The following SNX29 variants were observed in gnomAD, a reference collection of about 807,000 sequenced individuals.
SNX29 encodes the protein sorting nexin-29.
A neutral mutation model predicts 102.1 loss-of-function variants in SNX29; 78 were observed. The observed-to-expected ratio is 0.76, with a 90% CI of 0.64 to 0.92. SNX29 has a LOEUF of 0.92. Ranked by LOEUF, SNX29 falls within the 40% of genes least tolerant of loss-of-function variation. The pLI, the probability that SNX29 is intolerant of heterozygous loss-of-function variation, is 0.00. For missense variants in SNX29, 1,280 were observed against 1,061.7 expected, an observed-to-expected ratio of 1.21 and a Z score of -2.86; for synonymous variants, 580 against 414.5, an observed-to-expected ratio of 1.40 and a Z score of -4.85.
intron 20 of SNX29, among the ~76,000 whole-genome samples, chr16:12,555,034 C>T (rs2078240981): frequency 1.3e-5 from 2 of 151,760 alleles, no homozygotes; most frequent in African/African-American, 4.9e-5. Flanking sequence ...CTGCCTGGTG[C>T]CACCGAGCAG....
At chr16:12,556,466 C>T (rs1034155002) in intron 20 of SNX29, 1 of 152,238 alleles carries the variant, frequency 6.6e-6, no homozygotes, top group Non-Finnish European at 1.5e-5. Context: ...AGGCGAAGGC[C>T]AAAAGCACAA....
intron 18 of SNX29, among the ~76,000 whole-genome samples, chr16:12,431,138 C>A (rs1478173021): frequency 6.6e-6 from 1 of 152,180 alleles, no homozygotes; most frequent in Non-Finnish European, 1.5e-5. Flanking sequence ...AGGCGTGAGC[C>A]ACTGCGCCTG....
chr16:12,563,276 G>A (rs76664241), intron 20 of SNX29, among the ~76,000 whole-genome samples: 5 of 152,206 alleles, frequency 3.3e-5, no homozygotes, highest in African/African-American at 7.2e-5. Context: ...AGGAACGTCG[G>A]GTTCTGGATC....
intron 20 of SNX29, among the ~76,000 whole-genome samples, chr16:12,531,709 G>A (rs552371705): frequency 1.3e-5 from 2 of 152,168 alleles, no homozygotes; most frequent in African/African-American, 4.8e-5. Context: ...GGACAAGGAG[G>A]GGAAGCCCGC....
intron 18 of SNX29, among the ~76,000 whole-genome samples, chr16:12,430,018 C>T (rs1181215171): frequency 1.3e-5 from 2 of 152,222 alleles, no homozygotes; most frequent in Non-Finnish European, 2.9e-5. Flanking sequence ...AGCCGTGGGC[C>T]AGCAAGCATT....
chr16:12,051,814 C>G, intron 7 of SNX29, 33 bp from the exon 8 acceptor site: 2 of 1,595,444 alleles, frequency 1.3e-6, no homozygotes, highest in South Asian at 2.3e-5. Flanking sequence ...CCTCCTTTTT[C>G]TTATACTGTA....
chr16:12,572,982 A>T lies in SNX29; in HGVS notation c.*4353A>T. 9.7e-6 allele frequency: 4 copies of T among 412,834 alleles called. No homozygotes were observed. The highest frequency in any genetic ancestry group is 1.4e-5 in the Non-Finnish European group (4 of 283,456). The allele number at this position is 412,834 out of a possible 1,614,324, so 25.6% of individuals were successfully genotyped here. ...TCAAAGATTTTTCAAAATATTGTGC[A>T]TTAATTCATTAAAGCTACTGTTAAA... On this transcript the variant is annotated 3_prime_UTR_variant, in exon 21 of 21. Transcript: ENST00000566228.
chr16:12,163,137 C>T (rs1482018529), intron 13 of SNX29, among the ~76,000 whole-genome samples: 1 of 152,206 alleles, frequency 6.6e-6, no homozygotes, highest in Admixed American at 6.5e-5. Flanking sequence ...CCACCTTGGC[C>T]TCCCAAAGTC....
chr16:12,550,042 C>A (rs1246620546), intron 20 of SNX29, among the ~76,000 whole-genome samples: 1 of 152,328 alleles, frequency 6.6e-6, no homozygotes, highest in African/African-American at 2.4e-5. Context: ...GAATGCCTCC[C>A]TGGAGCCTAG....
At chr16:12,527,857 C>T (rs169771) in intron 20 of SNX29, among the ~76,000 whole-genome samples, 11,049 of 146,586 alleles carry the variant, frequency 0.075, 916 homozygotes, top group African/African-American at 0.2. Context: ...TGAAGTCTCG[C>T]TCTGTCGGCC....
intron 20 of SNX29, among the ~76,000 whole-genome samples, chr16:12,530,913 G>A (rs1475739551): frequency 2.0e-5 from 3 of 152,074 alleles, no homozygotes; most frequent in African/African-American, 7.2e-5. Context: ...AGTATCCACC[G>A]TAATGGCTGT....
rs149652521 is a variant in SNX29, at chr16:12,088,684, G to A, written c.1402+9769G>A. ...ATTTATGGCCGGGGCAGTGGCGCAC[G>A]CCTGTAATCCCAGCACTTTGGGAGG... On this transcript the variant is annotated intron_variant, in intron 11 of 20. Transcript: ENST00000566228. Among the ~76,000 whole-genome samples, 1,458 of 152,286 alleles carry A rather than the reference G, an allele frequency of 9.6e-3. 31 individuals are homozygous for A. Among genetic ancestry groups the A allele is most frequent in the African/African-American group, 0.033 (1,380 of 41,556 alleles).
At chr16:12,438,906 G>C (rs2085664251) in intron 18 of SNX29, among the ~76,000 whole-genome samples, 1 of 152,198 alleles carries the variant, frequency 6.6e-6, no homozygotes, top group African/African-American at 2.4e-5. Flanking sequence ...CTACCTGGCT[G>C]CAGAGAGGGA....
At chr16:12,564,410 ATG>A (rs2078902525) in intron 20 of SNX29, among the ~76,000 whole-genome samples, 1 of 152,112 alleles carries the variant, frequency 6.6e-6, no homozygotes, top group Admixed American at 6.5e-5. Flanking sequence ...TCAATGATGT[ATG>A]ATTGGCACTA....
chr16:12,264,046 T>G (rs1469408061), intron 14 of SNX29, among the ~76,000 whole-genome samples: 1 of 152,246 alleles, frequency 6.6e-6, no homozygotes, highest in African/African-American at 2.4e-5. Context: ...CCTTGATGCC[T>G]CCTCTGATGT....
chr16:12,246,341 G>T (rs1037066897), intron 14 of SNX29, among the ~76,000 whole-genome samples: 2 of 150,912 alleles, frequency 1.3e-5, no homozygotes, highest in African/African-American at 2.4e-5. Context: ...ATGTCTGCAT[G>T]AAAAAAAAAG....
At chr16:12,074,752 T>A (rs889328905) in intron 10 of SNX29, among the ~76,000 whole-genome samples, 1 of 152,190 alleles carries the variant, frequency 6.6e-6, no homozygotes, top group African/African-American at 2.4e-5. Flanking sequence ...TAATATCCTG[T>A]AGAGTGTTTT....
chr16:12,523,773 G>C (rs1385131822), intron 19 of SNX29, among the ~76,000 whole-genome samples: 1 of 152,218 alleles, frequency 6.6e-6, no homozygotes, highest in African/African-American at 2.4e-5. Flanking sequence ...CCTGATCACT[G>C]AGTGGTGGAA....
intron 11 of SNX29, among the ~76,000 whole-genome samples, chr16:12,113,232 C>G (rs1372318842): frequency 6.6e-6 from 1 of 152,184 alleles, no homozygotes; most frequent in Non-Finnish European, 1.5e-5. Context: ...ATTGAATCAC[C>G]TCCATAATTT....
Sources: allele counts gnomAD v4.1 joint callset (sites outside exome capture counted in the v4.1 genomes callset), GRCh38; gene constraint gnomAD v4.1.1; transcripts MANE v1.5; gene names NCBI Gene and HGNC (gene_info 2026-07-23, HGNC 2026-07-21).